The following PHACTR1 variants were observed in gnomAD, a reference collection of about 807,000 sequenced individuals.
PHACTR1 encodes phosphatase and actin regulator 1.
Under a neutral mutation model 69.2 loss-of-function variants are expected in PHACTR1, and 16 were observed. That is an observed-to-expected ratio of 0.23 (90% confidence interval 0.16 to 0.35). The LOEUF (loss-of-function observed/expected upper bound fraction) is 0.35, where lower values mean the gene tolerates loss of function less well. Ranked by LOEUF, PHACTR1 falls within the 10% of genes least tolerant of loss-of-function variation. The pLI, the probability that PHACTR1 is intolerant of heterozygous loss-of-function variation, is 1.00. For missense variants in PHACTR1, 510 were observed against 734.7 expected (o/e 0.69, Z 3.54); for synonymous variants, 312 against 284.5 (o/e 1.10, Z -0.97).
intron 4 of PHACTR1, among the ~76,000 whole-genome samples, chr6:12,960,427 T>C (rs1052397739): frequency 2.6e-5 from 4 of 152,248 alleles, no homozygotes; most frequent in African/African-American, 9.6e-5. Flanking sequence ...ATTAATTCAA[T>C]AACACTTGTA....
rs1338018873 is a variant in PHACTR1, at chr6:13,196,164, G to C, written c.665-9651G>C. The stretch of plus-strand genomic sequence containing the variant: ...AGCAGCCACCATCATCATTAGAAAG[G>C]CAAGAAGTAGTGTGTATCCTCCAAC... On this transcript the variant is annotated intron_variant, in intron 7 of 14. Transcript: ENST00000332995. 5.9e-5 allele frequency among the ~76,000 whole-genome samples: 9 copies of C among 152,306 alleles called. No individual in the cohort carries two copies. The South Asian group carries it at 1.4e-3, about 25-fold the overall frequency.
intron 9 of PHACTR1, among the ~76,000 whole-genome samples, 190 bp downstream of exon 9, chr6:13,228,253 A>C (rs1382375511): frequency 6.6e-6 from 1 of 152,106 alleles, no homozygotes; most frequent in Non-Finnish European, 1.5e-5. Context: ...GGAGAGGGTA[A>C]ATGTCCTCTA....
intron 4 of PHACTR1, among the ~76,000 whole-genome samples, chr6:12,953,448 C>A (rs1324706291): frequency 6.6e-6 from 1 of 152,160 alleles, no homozygotes; most frequent in Non-Finnish European, 1.5e-5. Context: ...GAGTCAGAGA[C>A]ACTAAAAATA....
intron 4 of PHACTR1, among the ~76,000 whole-genome samples, chr6:13,013,768 G>C (rs1254223855): frequency 1.3e-5 from 2 of 150,752 alleles, no homozygotes; most frequent in Admixed American, 1.3e-4. Flanking sequence ...CCGCCGCGGC[G>C]GTGCTTATAT....
intron 10 of PHACTR1, among the ~76,000 whole-genome samples, chr6:13,238,706 A>C (rs1772371794): frequency 6.6e-6 from 1 of 152,180 alleles, no homozygotes; most frequent in Non-Finnish European, 1.5e-5. Context: ...TGACACACCG[A>C]CACCTAGCTC....
chr6:12,787,217 C>T (rs944766), intron 4 of PHACTR1, among the ~76,000 whole-genome samples: 67,165 of 152,026 alleles, frequency 0.44, 15,626 homozygotes, highest in African/African-American at 0.55. Flanking sequence ...TAATGCCAGT[C>T]TTTTCCATTG....
intron 12 of PHACTR1, among the ~76,000 whole-genome samples, chr6:13,282,638 CCA>C (rs1206148095): frequency 6.6e-6 from 1 of 152,168 alleles, no homozygotes; most frequent in Non-Finnish European, 1.5e-5. Context: ...CCTGCATACC[CCA>C]GAGTTTGCAT....
chr6:13,125,344 G>A (rs1041750058), intron 5 of PHACTR1, among the ~76,000 whole-genome samples: 5 of 151,774 alleles, frequency 3.3e-5, no homozygotes, highest in Non-Finnish European at 7.4e-5. Flanking sequence ...TAAATACAAT[G>A]GTAGTCTTTC....
intron 4 of PHACTR1, among the ~76,000 whole-genome samples, chr6:12,829,559 A>G (rs1777182689): frequency 6.6e-6 from 1 of 152,208 alleles, no homozygotes; most frequent in Admixed American, 6.5e-5. Context: ...GAATAACAGT[A>G]GAAAGAGTTT....
intron 4 of PHACTR1, among the ~76,000 whole-genome samples, chr6:12,802,027 C>T (rs2127678434): frequency 6.6e-6 from 1 of 151,196 alleles, no homozygotes; most frequent in East Asian, 2.0e-4. Flanking sequence ...ATCATTAAAC[C>T]TTACATAACC....
At chr6:12,749,351 A>T (rs1766234104) in intron 3 of PHACTR1, 1 of 485,294 alleles carries the variant, frequency 2.1e-6, no homozygotes, top group African/African-American at 1.9e-5. Context: ...TGTGGCTGGG[A>T]GAGGAGTCTG....
At chr6:13,226,188 G>A (rs1769648804) in intron 8 of PHACTR1, among the ~76,000 whole-genome samples, 1 of 152,108 alleles carries the variant, frequency 6.6e-6, no homozygotes, top group Admixed American at 6.5e-5. Flanking sequence ...GAACATCATA[G>A]CTCATAATGT....
At chr6:13,286,735 T>A (rs142446901) in intron 14 of PHACTR1, among the ~76,000 whole-genome samples, 1 of 152,248 alleles carries the variant, frequency 6.6e-6, no homozygotes, top group Non-Finnish European at 1.5e-5. Flanking sequence ...AACAGAGCCA[T>A]TGATTTAATT....
chr6:12,724,611 C>T (rs941280601), intron 3 of PHACTR1, among the ~76,000 whole-genome samples: 14 of 152,130 alleles, frequency 9.2e-5, no homozygotes, highest in African/African-American at 2.4e-4. Context: ...GCAGAGGCAA[C>T]CTCTCATCTA....
chr6:13,195,221 T>C (rs1392630665), intron 7 of PHACTR1, among the ~76,000 whole-genome samples: 1 of 152,168 alleles, frequency 6.6e-6, no homozygotes, highest in African/African-American at 2.4e-5. Flanking sequence ...CTCATTTCTG[T>C]TCCAGATATA....
At chr6:13,121,514 A>T (rs951889304) in intron 5 of PHACTR1, among the ~76,000 whole-genome samples, 16 of 152,340 alleles carry the variant, frequency 1.1e-4, no homozygotes, top group African/African-American at 3.6e-4. Flanking sequence ...GGAGTTAACG[A>T]TTACACTCTG....
chr6:12,851,324 A>G (rs532990198), intron 4 of PHACTR1, among the ~76,000 whole-genome samples: 1 of 152,320 alleles, frequency 6.6e-6, no homozygotes, highest in Non-Finnish European at 1.5e-5. Flanking sequence ...TTAAATAACA[A>G]TCTGGGACAT....
chr6:13,064,511 TATA>T (rs199980507), intron 5 of PHACTR1, among the ~76,000 whole-genome samples: 2,130 of 131,678 alleles, frequency 0.016, 70 homozygotes, highest in African/African-American at 0.055. Context: ...AGCAAATTAA[TATA>T]ATAAATTGCA....
At chr6:12,754,728 G>A (rs1304067910) in intron 4 of PHACTR1, among the ~76,000 whole-genome samples, 1 of 152,144 alleles carries the variant, frequency 6.6e-6, no homozygotes, top group Non-Finnish European at 1.5e-5. Context: ...AACCAACCAG[G>A]GATGGGACAT....
Sources: gnomAD v4.1 joint callset for allele counts (sites outside exome capture counted in the v4.1 genomes callset) on GRCh38, gnomAD v4.1.1 for gene constraint, MANE v1.5 for transcripts, NCBI Gene and HGNC (gene_info 2026-07-23, HGNC 2026-07-21) for gene names.